Variants in NPC2 observed in about 807,000 individuals in gnomAD.
NPC2 encodes the protein NPC intracellular cholesterol transporter 2.
NPC2 carries 14 observed loss-of-function variants against 17.0 expected under a neutral mutation model. The ratio of observed to expected loss-of-function variants is 0.82; its 90% CI spans 0.54 to 1.29. The LOEUF (loss-of-function observed/expected upper bound fraction) is 1.29, where lower values mean the gene tolerates loss of function less well. Ranked by LOEUF, NPC2 falls within the 50% of genes most tolerant of loss-of-function variation. NPC2 has a pLI of 0.00. For missense variants in NPC2, 167 were observed against 183.4 expected (o/e 0.91, Z 0.52); for synonymous variants, 75 against 69.3 (o/e 1.08, Z -0.41).
In NPC2 at chr14:74,480,330, C is replaced by A. The variant is rs897305676; in HGVS notation, c.442-42G>T. 3.9e-6 allele frequency: 6 copies of A among 1,544,504 alleles called. No individual in the cohort carries two copies. In the African/African-American group the frequency reaches 8.2e-5, roughly 21 times the overall value. ...CCAGCTCAGTGGAAGTGGTTTGGAACCTTTCCTCCACTGTCAGGGCAATAA... is the reference window on the plus strand; with the variant it reads ...CCAGCTCAGTGGAAGTGGTTTGGAAACTTTCCTCCACTGTCAGGGCAATAA... On this transcript the variant is annotated intron_variant, in intron 4 of 4. Transcript: ENST00000555619.
chr14:74,486,277 T>A, intron 2 of NPC2, 52 bp downstream of exon 2: 1 of 1,416,644 alleles, frequency 7.1e-7, no homozygotes, highest in Admixed American at 2.0e-5. Flanking sequence ...CAACACTTGA[T>A]ATTTAGGTTA....
intron 3 of NPC2, 114 bp downstream of exon 3, chr14:74,484,301 C>T (rs765716945): frequency 2.6e-6 from 3 of 1,157,196 alleles, no homozygotes; most frequent in South Asian, 2.5e-5. Context: ...CGGGCTTCTT[C>T]TTCATCATAG....
At chr14:74,489,004 A>G (rs1231390698) in intron 1 of NPC2, among the ~76,000 whole-genome samples, 5 of 152,240 alleles carry the variant, frequency 3.3e-5, no homozygotes, top group African/African-American at 4.8e-5. Flanking sequence ...GGCTCCAAAA[A>G]CAACAGGAAG....
At chr14:74,489,734 G>C (rs780770198) in intron 1 of NPC2, among the ~76,000 whole-genome samples, 1 of 152,222 alleles carries the variant, frequency 6.6e-6, no homozygotes, top group African/African-American at 2.4e-5. Context: ...AACAGTGCCT[G>C]TAACAGGGTA....
upstream of NPC2, chr14:74,493,452 G>C: frequency 7.0e-7 from 1 of 1,436,234 alleles, no homozygotes; most frequent in Non-Finnish European, 9.5e-7. This position sits in a 1 kb window ranked among gnomAD's most constrained non-coding sequence, Gnocchi z 4.1. Context: ...AGCCCTCTCA[G>C]GCCCAGAAGC....
chr14:74,484,277 T>C, intron 3 of NPC2, 138 bp downstream of exon 3: 1 of 904,358 alleles, frequency 1.1e-6, no homozygotes, highest in Non-Finnish European at 1.8e-6. Flanking sequence ...ACACCGCACC[T>C]ATCTCCTTTC....
chr14:74,489,525 G>A (rs1456105730), intron 1 of NPC2, among the ~76,000 whole-genome samples: 3 of 131,622 alleles, frequency 2.3e-5, no homozygotes, highest in South Asian at 2.8e-4. Context: ...GGGAACCTGC[G>A]TTCTTAAAAT....
At chr14:74,480,922 A>C in intron 3 of NPC2, 143 bp from the exon 4 acceptor site, 1 of 780,534 alleles carries the variant, frequency 1.3e-6, no homozygotes, top group Non-Finnish European at 2.3e-6. Flanking sequence ...AGGGCTGCTT[A>C]GCATGTGGGC....
rs1368169510 is a variant in NPC2 at position 74,480,136 on chromosome 14, C to T, written c.*138G>A. ...CCAGCCACCCGGAGCTCAGTTTCTG[C>T]TACAGAGCACCTCCTCTTCAACGAA... On this transcript the variant is annotated 3_prime_UTR_variant, in exon 5 of 5. Transcript: ENST00000555619. 1.3e-6 allele frequency: 2 copies of T among 1,584,312 alleles called. No homozygotes were observed. The highest frequency in any genetic ancestry group is 1.8e-5 in the Admixed American group (1 of 55,628).
chr14:74,483,432 A>G, intron 3 of NPC2: 1 of 1,523,680 alleles, frequency 6.6e-7, no homozygotes, highest in Non-Finnish European at 9.0e-7. Flanking sequence ...ATATTTTATG[A>G]CCTGGTCAGA....
intron 3 of NPC2, among the ~76,000 whole-genome samples, chr14:74,481,358 A>T (rs1484203904): frequency 6.6e-6 from 1 of 152,230 alleles, no homozygotes; most frequent in Non-Finnish European, 1.5e-5. Flanking sequence ...CTGAAGCCTC[A>T]CCAGAAGCAG....
At chr14:74,484,377 C>T in intron 3 of NPC2, 38 bp downstream of exon 3, 1 of 1,611,600 alleles carries the variant, frequency 6.2e-7, no homozygotes, top group Non-Finnish European at 8.5e-7. Context: ...TAATCCAGTC[C>T]CAAGGCCTCC....
At chr14:74,486,667 T>C (rs2086715934) in intron 1 of NPC2, among the ~76,000 whole-genome samples, 1 of 152,194 alleles carries the variant, frequency 6.6e-6, no homozygotes, top group Non-Finnish European at 1.5e-5. Context: ...AAGAAGCTAG[T>C]TGGTTTTTTG....
At position 74,482,142 on chromosome 14, in the gene NPC2, A is replaced by G. The variant is rs150757924; in HGVS notation, c.364-1363T>C. Among the ~76,000 whole-genome samples, 289 of 152,378 alleles carry G rather than the reference A, an allele frequency of 1.9e-3. 1 individual carries two copies. The highest frequency in any genetic ancestry group is 6.8e-3 in the African/African-American group (281 of 41,596). On this transcript the variant is annotated intron_variant, in intron 3 of 4. Transcript: ENST00000555619. ...CTGCATACGTAACTGAGGTTCAGAC[A>G]TGCCCATGGTTATGTGGATATTCAT...
At position 74,480,743 on chromosome 14, in the gene NPC2, T is replaced by C. The variant is rs768016909; in HGVS notation, c.400A>G (p.Lys134Glu). The change falls in exon 4 of 5, where the codon AAA becomes GAA. Residue 134 changes from lysine (K) to glutamate (E), a missense_variant. Physicochemically the swap from Lys to Glu is moderately conservative, Grantham distance 56 (BLOSUM62 1). Transcript: ENST00000555619. ...LVVEWQLQDD[K>E]NQSLFCWEIP... ...TCCCAGCAGAAGAGACTTTGGTTTT[T>C]GTCATCCTGAAGTTGCCACTCCACC... is the stretch of plus-strand genomic sequence containing the variant. The C allele has an allele frequency of 6.2e-7, 1 of 1,614,202 alleles. No homozygotes were observed. Among genetic ancestry groups the C allele is most frequent in the Non-Finnish European group, 8.5e-7 (1 of 1,180,012 alleles).
At position 74,480,559 on chromosome 14, in the gene NPC2, T is replaced by C. The variant is rs544524757; in HGVS notation, c.441+143A>G. The C allele has an allele frequency of 1.1e-4, 86 of 817,452 alleles. No individual in the cohort carries two copies. In the African/African-American group the frequency reaches 1.1e-3, roughly 10 times the overall value. The allele number at this position is 817,452 out of a possible 1,614,324, so 50.6% of individuals were successfully genotyped here. On this transcript the variant is annotated intron_variant, in intron 4 of 4. Transcript: ENST00000555619. The stretch of plus-strand genomic sequence containing the variant: ...AGTTCTGAGCTCTCAGGAAATAGGG[T>C]CTCAGATGCTTTTAGAGGTTGAGAG...
chr14:74,485,546 A>T (rs986316310), intron 2 of NPC2, among the ~76,000 whole-genome samples: 1 of 138,594 alleles, frequency 7.2e-6, no homozygotes, highest in Non-Finnish European at 1.5e-5. Context: ...GGAACAATAG[A>T]GAGGCCAGGG....
chr14:74,487,151 A>C (rs1469871132), intron 1 of NPC2, among the ~76,000 whole-genome samples: 1 of 151,516 alleles, frequency 6.6e-6, no homozygotes, highest in African/African-American at 2.4e-5. Context: ...GGGTTTCACT[A>C]TGTTGGCCAG....
chr14:74,491,430 G>A (rs1222846735), intron 1 of NPC2, among the ~76,000 whole-genome samples: 1 of 152,164 alleles, frequency 6.6e-6, no homozygotes, highest in Non-Finnish European at 1.5e-5. Flanking sequence ...AAGTTTAATG[G>A]AGGGAAAGGC....
Sources: gnomAD v4.1 joint callset for allele counts (sites outside exome capture counted in the v4.1 genomes callset) on GRCh38, gnomAD v4.1.1 for gene constraint, Gnocchi (gnomAD v3.1) non-coding constraint, MANE v1.5 for transcripts, NCBI Gene and HGNC (gene_info 2026-07-23, HGNC 2026-07-21) for gene names.